CYP3A4: variants seen among roughly 807,000 people sequenced by gnomAD.
CYP3A4 encodes cytochrome P450 3A4.
Under a neutral mutation model 54.9 loss-of-function variants are expected in CYP3A4, and 41 were observed. The observed-to-expected ratio is 0.75, with a 90% CI of 0.58 to 0.97. The LOEUF is 0.97. Ranked by LOEUF, CYP3A4 falls within the 50% of genes least tolerant of loss-of-function variation. CYP3A4 has a pLI of 0.00. For missense variants in CYP3A4, 510 were observed against 597.3 expected, an observed-to-expected ratio of 0.85 and a Z score of 1.52; for synonymous variants, 179 against 205.2, an observed-to-expected ratio of 0.87 and a Z score of 1.09.
At chr7:99,764,041 G>A (rs368676034) in intron 9 of CYP3A4, 26 bp from the exon 10 acceptor site, 72 of 1,613,400 alleles carry the variant, frequency 4.5e-5, no homozygotes, top group Non-Finnish European at 5.7e-5. Flanking sequence ...AGACATTTTA[G>A]GTAAATCAGA....
chr7:99,763,543 G>A (rs1250444535), intron 10 of CYP3A4, among the ~76,000 whole-genome samples: 1 of 152,190 alleles, frequency 6.6e-6, no homozygotes, highest in African/African-American at 2.4e-5. Context: ...CAAAACCAAT[G>A]TGAAATGAGT....
At chr7:99,776,340 C>T (rs1456094535) in intron 3 of CYP3A4, among the ~76,000 whole-genome samples, 1 of 152,214 alleles carries the variant, frequency 6.6e-6, no homozygotes, top group Non-Finnish European at 1.5e-5. Context: ...AATCCCATTA[C>T]TGGGCATATA....
chr7:99,783,073 A>T (rs1015970065), intron 1 of CYP3A4, among the ~76,000 whole-genome samples: 1 of 152,234 alleles, frequency 6.6e-6, no homozygotes, highest in Non-Finnish European at 1.5e-5. Context: ...AGGTCAGAAG[A>T]TGGAAAATAT....
At chr7:99,767,340 C>G in intron 7 of CYP3A4, 82 bp from the exon 8 acceptor site, 1 of 1,249,790 alleles carries the variant, frequency 8.0e-7, no homozygotes, top group South Asian at 1.5e-5. Flanking sequence ...CTAGTTTTCT[C>G]TACCAACCAG....
Position 99,762,136 on chromosome 7 carries a change from C to T in CYP3A4, c.1158G>A (p.Met386Ile), listed in dbSNP as rs1284748104. The change falls in exon 11 of 13, where the codon ATG becomes ATA. Residue 386 changes from methionine (M) to isoleucine (I), a missense_variant. Around this residue, in one of 2 missense-constraint regions of CYP3A4, gnomAD observed 238 missense variants for 322.5 expected, o/e 0.74. Transcript: ENST00000651514. ...TCACCACCACCCCTTTGGGAATGAA[C>T]ATCCCATTGATCTCAACATCTTTTT... Reference protein sequence around the residue: ...VCKKDVEINGMFIPKGVVVMI... With the variant: ...VCKKDVEINGIFIPKGVVVMI... The T allele has an allele frequency of 6.2e-7, 1 of 1,613,976 alleles. No homozygotes were observed. The highest frequency in any genetic ancestry group is 8.5e-7 in the Non-Finnish European group (1 of 1,179,992).
At chr7:99,774,852 C>G (rs186012831) in intron 3 of CYP3A4, among the ~76,000 whole-genome samples, 83 of 152,160 alleles carry the variant, frequency 5.5e-4, no homozygotes, top group African/African-American at 1.8e-3. Flanking sequence ...GGCAATCAGG[C>G]AAGAGAAAGA....
In CYP3A4 at chr7:99,767,213, C is replaced by A. The variant is rs749794177; in HGVS notation, c.716G>T (p.Cys239Phe). The A allele has an allele frequency of 2.5e-5, 41 of 1,609,826 alleles. No individual in the cohort carries two copies. Among genetic ancestry groups the A allele is most frequent in the Non-Finnish European group, 3.5e-5 (41 of 1,177,748 alleles). The change falls in exon 8 of 13, where the codon TGT becomes TTT. Residue 239 changes from cysteine to phenylalanine, a missense_variant. By Grantham distance (205) the Cys-to-Phe change is radical. This residue lies in a region of CYP3A4 where 238 missense variants were observed against 322.5 expected (regional missense o/e 0.74). Transcript: ENST00000651514. ...ATTTGTAACTTCTCTTGGAAACACA[C>A]AGATATTTAATACTTCAAGAATTGG... ...LIPILEVLNI[C>F]VFPREVTNFL...
At chr7:99,781,084 A>C (rs1815911021) in intron 1 of CYP3A4, among the ~76,000 whole-genome samples, 1 of 152,122 alleles carries the variant, frequency 6.6e-6, no homozygotes, top group Non-Finnish European at 1.5e-5. Context: ...ATCCCGCCTT[A>C]GGTGTTGTCC....
chr7:99,772,356 C>A (rs549452402), intron 4 of CYP3A4, among the ~76,000 whole-genome samples: 1 of 152,258 alleles, frequency 6.6e-6, no homozygotes. Context: ...CTGGTGAAAT[C>A]TGAATAAGCT....
chr7:99,778,588 T>C (rs1442000493), intron 2 of CYP3A4, among the ~76,000 whole-genome samples: 1 of 152,170 alleles, frequency 6.6e-6, no homozygotes, highest in African/African-American at 2.4e-5. Context: ...CAGATTTAGG[T>C]AAGTATGAGG....
At chr7:99,761,154 C>T (rs1379675989) in intron 11 of CYP3A4, among the ~76,000 whole-genome samples, 173 bp from the exon 12 acceptor site, 1 of 152,208 alleles carries the variant, frequency 6.6e-6, no homozygotes, top group African/African-American at 2.4e-5. Context: ...TTGTAAGCTA[C>T]AGATCCTTTC....
intron 1 of CYP3A4, among the ~76,000 whole-genome samples, chr7:99,782,015 G>C (rs1815937990): frequency 6.6e-6 from 1 of 152,200 alleles, no homozygotes. Flanking sequence ...AGGCCCAATA[G>C]TGCATTTGGA....
chr7:99,783,000 A>G (rs1815965609), intron 1 of CYP3A4, among the ~76,000 whole-genome samples: 1 of 152,206 alleles, frequency 6.6e-6, no homozygotes, highest in African/African-American at 2.4e-5. Context: ...TTGGAAATAG[A>G]CTATCTCCAA....
intron 3 of CYP3A4, among the ~76,000 whole-genome samples, chr7:99,777,476 TTGTGTGTGTGTGTGTGTG>T (rs10554527): frequency 4.1e-5 from 6 of 146,606 alleles, no homozygotes; most frequent in African/African-American, 1.0e-4. Context: ...ATGTCACTAG[TTGTGTGTGTGTGTGTGTG>T]TGTGTGTGTG....
At chr7:99,764,134 T>C in intron 9 of CYP3A4, 119 bp from the exon 10 acceptor site, 2 of 1,442,236 alleles carry the variant, frequency 1.4e-6, no homozygotes, top group Non-Finnish European at 1.9e-6. Context: ...AGAAAAGCAA[T>C]TCAGAGGTAC....
rs553262210 is a variant in CYP3A4, at chr7:99,769,345, C to T, written c.521+423G>A. Among the ~76,000 whole-genome samples, 2 of 152,170 alleles carry T rather than the reference C, an allele frequency of 1.3e-5. 1 individual carries two copies. The highest frequency in any genetic ancestry group is 1.3e-4 in the Admixed American group (2 of 15,282). On this transcript the variant is annotated intron_variant, in intron 6 of 12. Coordinates refer to ENST00000651514, the MANE Select transcript of CYP3A4 (RefSeq NM_017460.6). ...TTCTACTGATATCCTCAGAAAAAAA[C>T]ATGAAATGATCAAAGTTATTCTAAG...
chr7:99,762,100 G>C lies in CYP3A4; in HGVS notation c.1194C>G (p.Ser398Arg), dbSNP rs756998114. Residue 398 changes from serine to arginine, a missense_variant, in exon 11 of 13, where the codon AGC (serine) becomes AGG (arginine). By Grantham distance (110) the Ser-to-Arg change is moderately radical (BLOSUM62 -1). This residue lies in a region of CYP3A4 where 238 missense variants were observed against 322.5 expected (regional missense o/e 0.74). Coordinates refer to ENST00000651514, the MANE Select transcript of CYP3A4 (RefSeq NM_017460.6). ...IPKGVVVMIP[S>R]YALHRDPKYW... Reference sequence around the variant, plus strand: ...ACTTTGGGTCACGGTGAAGAGCATAGCTTGGAATCATCACCACCACCCCTT... The same window carrying C: ...ACTTTGGGTCACGGTGAAGAGCATACCTTGGAATCATCACCACCACCCCTT... 1 of 1,614,014 alleles carries C rather than the reference G, an allele frequency of 6.2e-7. No homozygotes were observed. Among genetic ancestry groups the C allele is most frequent in the East Asian group, 2.2e-5 (1 of 44,870 alleles).
Position 99,757,963 on chromosome 7 carries a change from A to G in CYP3A4, c.*170T>C, listed in dbSNP as rs755864871. On this transcript the variant is annotated 3_prime_UTR_variant, in exon 13 of 13. Coordinates refer to ENST00000651514, the MANE Select transcript of CYP3A4 (RefSeq NM_017460.6). ...TTTATATTCCCAAGTATAACACTCT[A>G]CACAGACAATGAGAGAGCTCAATGC... 1.3e-4 allele frequency: 80 copies of G among 610,062 alleles called. No individual in the cohort carries two copies. Among genetic ancestry groups the G allele is most frequent in the Non-Finnish European group, 5.8e-6 (2 of 344,142 alleles). The allele number at this position is 610,062 out of a possible 1,614,324, so 37.8% of individuals were successfully genotyped here.
chr7:99,758,239 TAAAC>T lies in CYP3A4; in HGVS notation c.1417-15_1417-12del, dbSNP rs762258894. 1.2e-6 allele frequency: 2 copies of T among 1,611,998 alleles called. No individual in the cohort carries two copies. The highest frequency in any genetic ancestry group is 1.1e-5 in the South Asian group (1 of 91,026). On this transcript the variant is annotated splice_polypyrimidine_tract_variant and intron_variant, in intron 12 of 12. Coordinates refer to ENST00000651514, the MANE Select transcript of CYP3A4 (RefSeq NM_017460.6). ...TAATTTCAGGGGGATCTGCAACAGT[TAAAC>T]AAGCATATTGAGAAGCATTAAATAA...
Sources: gnomAD v4.1 joint callset for allele counts (sites outside exome capture counted in the v4.1 genomes callset) on GRCh38, gnomAD v4.1.1 for gene constraint, gnomAD v4.1.1 regional missense constraint, MANE v1.5 for transcripts, NCBI Gene and HGNC (gene_info 2026-07-23, HGNC 2026-07-21) for gene names.